The following ATAD1 variants were observed in gnomAD, a reference collection of about 807,000 sequenced individuals.
ATAD1 encodes ATPase family AAA domain containing 1, also known as outer mitochondrial transmembrane helix translocase.
ATAD1 carries 18 observed loss-of-function variants against 42.7 expected under a neutral mutation model. The ratio of observed to expected loss-of-function variants is 0.42; its 90% CI spans 0.29 to 0.63. ATAD1 has a LOEUF of 0.63. ATAD1 is among the 20% of genes least tolerant of loss of function. The pLI is 0.19. For missense variants in ATAD1, 294 were observed against 440.4 expected, an observed-to-expected ratio of 0.67 and a Z score of 2.98; for synonymous variants, 132 against 143.1, an observed-to-expected ratio of 0.92 and a Z score of 0.55.
intron 2 of ATAD1, among the ~76,000 whole-genome samples, chr10:87,799,360 T>C (rs1856570169): frequency 2.0e-5 from 3 of 152,214 alleles, no homozygotes; most frequent in Admixed American, 2.0e-4. Context: ...AATAGCTACA[T>C]CTTGAAGTTA....
chr10:87,771,937 C>T (rs1046536431), intron 6 of ATAD1, among the ~76,000 whole-genome samples: 2 of 152,112 alleles, frequency 1.3e-5, no homozygotes, highest in Admixed American at 6.6e-5. Context: ...ATTTCTCTAA[C>T]ATTACCTTAT....
At chr10:87,810,092 T>A (rs1016080984) in intron 2 of ATAD1, among the ~76,000 whole-genome samples, 1 of 152,190 alleles carries the variant, frequency 6.6e-6, no homozygotes, top group African/African-American at 2.4e-5. Context: ...TTCTCTACTG[T>A]ATATTCACTT....
intron 1 of ATAD1, among the ~76,000 whole-genome samples, chr10:87,815,639 T>C (rs1857382593): frequency 6.6e-6 from 1 of 152,096 alleles, no homozygotes; most frequent in South Asian, 2.1e-4. Context: ...AAAATTCTCC[T>C]CTCACTACTA....
intron 6 of ATAD1, among the ~76,000 whole-genome samples, chr10:87,773,025 G>A (rs1438510600): frequency 6.6e-6 from 1 of 152,102 alleles, no homozygotes; most frequent in African/African-American, 2.4e-5. Context: ...ATCTGGAGGA[G>A]GGAGAGGATC....
chr10:87,836,964 ACCT>A (rs1857941975), intron 1 of ATAD1, among the ~76,000 whole-genome samples: 1 of 152,166 alleles, frequency 6.6e-6, no homozygotes, highest in East Asian at 1.9e-4. Flanking sequence ...CTGTAATTGA[ACCT>A]ATACAATTAG....
In ATAD1 at chr10:87,808,708, T is replaced by C. The variant is rs893440727; in HGVS notation, c.162+5730A>G. Among the ~76,000 whole-genome samples, 6 of 152,248 alleles carry C rather than the reference T, an allele frequency of 3.9e-5. No individual in the cohort carries two copies. In the East Asian group the frequency reaches 1.2e-3, roughly 29 times the overall value. On this transcript the variant is annotated intron_variant, in intron 2 of 9. Transcript: ENST00000680024. The stretch of plus-strand genomic sequence containing the variant: ...TATTCTTTAATCTGTTAATGTTGCA[T>C]ATTATATTGATTTCCCATCCCTTAA...
In ATAD1 at chr10:87,814,465, T is replaced by C. The variant is rs1203735469; in HGVS notation, c.135A>G (p.Arg45=). 1.3e-5 allele frequency: 21 copies of C among 1,601,120 alleles called. No homozygotes were observed. Among genetic ancestry groups the C allele is most frequent in the Admixed American group, 1.7e-5 (1 of 58,036 alleles). The change falls in exon 2 of 10, where the codon AGA becomes AGG. Residue 45 remains arginine (R), a synonymous_variant. Coordinates refer to ENST00000680024, the MANE Select transcript of ATAD1 (RefSeq NM_001321967.2). ...KWMVDAIDPT[R]KQKVEAQKQA... is the part of the protein sequence containing the mutation. ...GTTTCTGAGCTTCTACTTTTTGCTT[T>C]CTGGTTGGATCAATTGCATCTACCA... is the stretch of plus-strand genomic sequence containing the variant.
intron 2 of ATAD1, among the ~76,000 whole-genome samples, chr10:87,804,438 C>T (rs1002929701): frequency 8.0e-5 from 12 of 150,716 alleles, no homozygotes; most frequent in African/African-American, 2.7e-4. Context: ...GGTGAGATCT[C>T]GGCTCACTGC....
intron 4 of ATAD1, among the ~76,000 whole-genome samples, chr10:87,786,783 C>T (rs796857960): frequency 2.0e-5 from 3 of 151,830 alleles, no homozygotes; most frequent in Admixed American, 6.6e-5. Flanking sequence ...GGTGAAACCC[C>T]GACTCTACCA....
At chr10:87,758,031 T>A (rs544757001) in intron 8 of ATAD1, among the ~76,000 whole-genome samples, 3 of 152,258 alleles carry the variant, frequency 2.0e-5, no homozygotes, top group African/African-American at 7.2e-5. Flanking sequence ...AAATGGTAAA[T>A]ACATGGATAA....
chr10:87,841,087 CAGGACTGCTTCCACTGT>C (rs1858025748), intron 1 of ATAD1: 1 of 151,690 alleles, frequency 6.6e-6, no homozygotes, highest in Non-Finnish European at 1.5e-5. Flanking sequence ...TCAGTGGAAG[CAGGACTGCTTCCACTGT>C]AGTGAAAGCT....
chr10:87,825,341 G>C (rs1452722732), intron 1 of ATAD1, among the ~76,000 whole-genome samples: 1 of 117,694 alleles, frequency 8.5e-6, no homozygotes, highest in Non-Finnish European at 1.7e-5. Context: ...ATGGAGTCTT[G>C]CTCAGTCGCC....
In ATAD1 at chr10:87,754,001, TATTTTC is replaced by T. The variant is rs1265869604; in HGVS notation, c.*680_*685del. Reference sequence around the variant, plus strand: ...CATTCAATGCTGATCACTGAACTAGTATTTTCATTTGATTATCCTGACAAACATAAT... The same window carrying T: ...CATTCAATGCTGATCACTGAACTAGTATTTGATTATCCTGACAAACATAAT... On this transcript the variant is annotated 3_prime_UTR_variant, in exon 10 of 10. Transcript: ENST00000680024. 2 of 152,290 alleles carry T rather than the reference TATTTTC, an allele frequency of 1.3e-5. No individual in the cohort carries two copies. The highest frequency in any genetic ancestry group is 2.9e-5 in the Non-Finnish European group (2 of 68,036). 9.4% of individuals were successfully genotyped at this position (152,290 alleles called of 1,614,324 possible). A position where few individuals can be genotyped will look rare whatever the true frequency, so the allele number is the denominator to read the frequency against.
intron 8 of ATAD1, among the ~76,000 whole-genome samples, chr10:87,757,336 C>T (rs1854272802): frequency 6.6e-6 from 1 of 151,112 alleles, no homozygotes; most frequent in Non-Finnish European, 1.5e-5. Flanking sequence ...ATTCTATTAT[C>T]TCAACATGAA....
At position 87,784,604 on chromosome 10, in the gene ATAD1, G is replaced by C; in HGVS notation, c.449C>G (p.Ala150Gly). 6.2e-7 allele frequency: 1 copy of C among 1,613,324 alleles called. No individual in the cohort carries two copies. ...TLIAKATAKEAGCRFINLQPS... is the reference protein window; with the variant it reads ...TLIAKATAKEGGCRFINLQPS... ...CTGAAGGTTAATAAATCGACAGCCT[G>C]CTTCTTTGGCTGTGGCCTTGGCAAT... The change falls in exon 5 of 10, where the codon GCA becomes GGA. Residue 150 changes from alanine to glycine, a missense_variant. Ala to Gly is a moderately conservative substitution (Grantham distance 60). Coordinates refer to ENST00000680024, the MANE Select transcript of ATAD1 (RefSeq NM_001321967.2).
At chr10:87,785,084 T>C (rs1855761708) in intron 4 of ATAD1, among the ~76,000 whole-genome samples, 1 of 152,218 alleles carries the variant, frequency 6.6e-6, no homozygotes, top group South Asian at 2.1e-4. Flanking sequence ...AACACTGTTT[T>C]GCTGTTGCTC....
intron 1 of ATAD1, among the ~76,000 whole-genome samples, chr10:87,823,716 G>A (rs1378357289): frequency 6.6e-6 from 1 of 152,200 alleles, no homozygotes; most frequent in African/African-American, 2.4e-5. Flanking sequence ...TTTTCAGGAT[G>A]CACTTGGCTT....
At chr10:87,804,161 AC>A (rs1019601337) in intron 2 of ATAD1, among the ~76,000 whole-genome samples, 2 of 152,084 alleles carry the variant, frequency 1.3e-5, no homozygotes, top group Non-Finnish European at 2.9e-5. Context: ...TTTTCAGTAC[AC>A]TCCTTCACAG....
intron 2 of ATAD1, among the ~76,000 whole-genome samples, chr10:87,806,667 C>A (rs952347259): frequency 6.6e-6 from 1 of 152,036 alleles, no homozygotes; most frequent in African/African-American, 2.4e-5. Context: ...CACTTTTCTC[C>A]GCGAATATTA....
Sources: gnomAD v4.1 joint callset for allele counts (sites outside exome capture counted in the v4.1 genomes callset) on GRCh38, gnomAD v4.1.1 for gene constraint, MANE v1.5 for transcripts, NCBI Gene and HGNC (gene_info 2026-07-23, HGNC 2026-07-21) for gene names.